Variants in DYNC1I1 observed in about 807,000 individuals in gnomAD.
DYNC1I1 encodes cytoplasmic dynein 1 intermediate chain 1.
A neutral mutation model predicts 86.6 loss-of-function variants in DYNC1I1; 43 were observed. The ratio of observed to expected loss-of-function variants is 0.50; its 90% confidence interval spans 0.39 to 0.64. DYNC1I1 has a LOEUF of 0.64. DYNC1I1 is among the 30% of genes least tolerant of loss of function. The pLI is 0.00. For synonymous variants in DYNC1I1, 262 were observed against 283.7 expected (o/e 0.92, Z 0.77); for missense variants, 604 against 788.8 (o/e 0.77, Z 2.81).
intron 5 of DYNC1I1, among the ~76,000 whole-genome samples, chr7:95,850,957 T>A (rs76482604): frequency 6.6e-6 from 1 of 152,168 alleles, no homozygotes; most frequent in East Asian, 1.9e-4. Flanking sequence ...CTTTTTTTTT[T>A]CCTTGAGACA....
At chr7:95,864,841 T>A (rs867068021) in intron 5 of DYNC1I1, among the ~76,000 whole-genome samples, 1 of 152,144 alleles carries the variant, frequency 6.6e-6, no homozygotes, top group South Asian at 2.1e-4. Context: ...TAGCCTGGGA[T>A]CTGATGGCAG....
At chr7:96,014,520 T>G (rs1388906463) in intron 10 of DYNC1I1, among the ~76,000 whole-genome samples, 1 of 152,214 alleles carries the variant, frequency 6.6e-6, no homozygotes, top group East Asian at 1.9e-4. Flanking sequence ...CTTGCTATAT[T>G]ATTTGGCTGG....
chr7:96,068,657 T>A (rs1461936134), intron 14 of DYNC1I1, among the ~76,000 whole-genome samples: 1 of 152,180 alleles, frequency 6.6e-6, no homozygotes, highest in East Asian at 1.9e-4. Context: ...AGATCACTAA[T>A]GTGAGATTAG....
At chr7:96,087,305 G>A (rs1790710171) in intron 16 of DYNC1I1, among the ~76,000 whole-genome samples, 1 of 152,178 alleles carries the variant, frequency 6.6e-6, no homozygotes, top group Non-Finnish European at 1.5e-5. Context: ...AAAAAGAACT[G>A]CATTTGCAAT....
chr7:95,787,242 T>C (rs1299189439), intron 1 of DYNC1I1, among the ~76,000 whole-genome samples: 1 of 152,188 alleles, frequency 6.6e-6, no homozygotes, highest in African/African-American at 2.4e-5. Context: ...TTCTGAACTC[T>C]GCTGAGAACT....
At chr7:95,945,061 AAAT>A (rs1483749660) in intron 6 of DYNC1I1, among the ~76,000 whole-genome samples, 2 of 151,660 alleles carry the variant, frequency 1.3e-5, no homozygotes, top group Admixed American at 6.6e-5. Context: ...AAAAATAAAA[AAAT>A]AATAAAAAAA....
chr7:95,889,945 C>T (rs996909590), intron 6 of DYNC1I1, among the ~76,000 whole-genome samples: 1 of 152,200 alleles, frequency 6.6e-6, no homozygotes, highest in Non-Finnish European at 1.5e-5. Flanking sequence ...CAAAAACTAA[C>T]AGATGCTGGC....
chr7:95,893,465 A>G (rs1790798206), intron 6 of DYNC1I1, among the ~76,000 whole-genome samples: 1 of 152,198 alleles, frequency 6.6e-6, no homozygotes, highest in Non-Finnish European at 1.5e-5. Context: ...AAACGTCTAG[A>G]CTTTTTTAAA....
Position 95,888,278 on chromosome 7 carries a change from G to C in DYNC1I1, c.490+18280G>C, listed in dbSNP as rs575124905. ...ATGGCAAACCCCATCTCCACAAAAA[G>C]TACAAAAATCTAGCTGAACGTGGTA... On this transcript the variant is annotated intron_variant, in intron 6 of 16. Coordinates refer to ENST00000447467, the MANE Select transcript of DYNC1I1 (RefSeq NM_001135556.2). Among the ~76,000 whole-genome samples, 10 of 152,076 alleles carry C rather than the reference G, an allele frequency of 6.6e-5. 1 individual carries two copies. The highest frequency in any genetic ancestry group is 2.4e-4 in the African/African-American group (10 of 41,512).
chr7:95,875,289 G>A (rs1003907787), intron 6 of DYNC1I1, among the ~76,000 whole-genome samples: 1 of 152,020 alleles, frequency 6.6e-6, no homozygotes. Flanking sequence ...AAAAAGGGAG[G>A]TAAAGAGAAA....
At chr7:95,967,822 T>C (rs1298946410) in intron 6 of DYNC1I1, among the ~76,000 whole-genome samples, 1 of 152,184 alleles carries the variant, frequency 6.6e-6, no homozygotes, top group Admixed American at 6.5e-5. Context: ...AGGGGAAGCA[T>C]GAACCAAGGT....
intron 6 of DYNC1I1, among the ~76,000 whole-genome samples, chr7:95,890,018 T>A (rs1790695010): frequency 6.6e-6 from 1 of 152,198 alleles, no homozygotes; most frequent in African/African-American, 2.4e-5. Context: ...AGTTCAACTG[T>A]TGTGGAAAGC....
At chr7:96,007,701 T>C (rs1040469170) in intron 10 of DYNC1I1, among the ~76,000 whole-genome samples, 17 of 152,174 alleles carry the variant, frequency 1.1e-4, no homozygotes, top group African/African-American at 3.9e-4. Context: ...GAAAAAACAC[T>C]CTAAGCCTCT....
chr7:95,840,820 A>G (rs1395186514), intron 5 of DYNC1I1, among the ~76,000 whole-genome samples: 4 of 152,146 alleles, frequency 2.6e-5, no homozygotes, highest in African/African-American at 7.2e-5. Context: ...AGAGAGTCCT[A>G]AGATTGGCAA....
intron 6 of DYNC1I1, among the ~76,000 whole-genome samples, chr7:95,887,940 T>A (rs1331081215): frequency 6.6e-6 from 1 of 152,202 alleles, no homozygotes; most frequent in Non-Finnish European, 1.5e-5. Flanking sequence ...ACAAGATGAA[T>A]CTTCAGAGGC....
chr7:96,037,998 A>G (rs1788914848), intron 13 of DYNC1I1, among the ~76,000 whole-genome samples: 1 of 152,192 alleles, frequency 6.6e-6, no homozygotes, highest in Non-Finnish European at 1.5e-5. Flanking sequence ...TTTGCACCCT[A>G]TAAATCCTTT....
At chr7:95,970,372 C>G (rs891620840) in intron 6 of DYNC1I1, among the ~76,000 whole-genome samples, 2 of 152,088 alleles carry the variant, frequency 1.3e-5, no homozygotes, top group Admixed American at 1.3e-4. Context: ...GAATTTGACT[C>G]TTGTGTTTTT....
intron 4 of DYNC1I1, chr7:95,818,801 T>C (rs1795008916): frequency 3.0e-6 from 1 of 330,522 alleles, no homozygotes. Flanking sequence ...TATATGTATG[T>C]CATCATATAT....
chr7:95,901,247 T>G (rs1791029877), intron 6 of DYNC1I1, among the ~76,000 whole-genome samples: 1 of 152,210 alleles, frequency 6.6e-6, no homozygotes, highest in South Asian at 2.1e-4. Context: ...AGCACAGTTC[T>G]TTTGGAACCT....
Sources: gnomAD v4.1 joint callset for allele counts (sites outside exome capture counted in the v4.1 genomes callset) on GRCh38, gnomAD v4.1.1 for gene constraint, MANE v1.5 for transcripts, NCBI Gene and HGNC (gene_info 2026-07-23, HGNC 2026-07-21) for gene names.